The following LSS variants were observed in gnomAD, a reference collection of about 807,000 sequenced individuals.
LSS encodes lanosterol synthase.
In LSS, 90 loss-of-function variants were observed where a neutral mutation model predicts 110.3. That is an observed-to-expected ratio of 0.82 (90% CI 0.69 to 0.97). The LOEUF (loss-of-function observed/expected upper bound fraction) is 0.97, where lower values mean the gene tolerates loss of function less well. LSS is among the 50% of genes least tolerant of loss of function. The pLI, the probability that LSS is intolerant of heterozygous loss-of-function variation, is 0.00. For missense variants in LSS, 927 were observed against 990.0 expected, an observed-to-expected ratio of 0.94 and a Z score of 0.85; for synonymous variants, 433 against 400.0, an observed-to-expected ratio of 1.08 and a Z score of -0.98.
At chr21:46,221,215 A>ACAGCCC (rs4647801) in intron 5 of LSS, among the ~76,000 whole-genome samples, 2 of 151,868 alleles carry the variant, frequency 1.3e-5, no homozygotes, top group Admixed American at 6.6e-5. Context: ...GGAGAGGTAG[A>ACAGCCC]CGATCAGCTT....
At chr21:46,204,999 T>TA (rs1453944369) in intron 17 of LSS, among the ~76,000 whole-genome samples, 1 of 151,910 alleles carries the variant, frequency 6.6e-6, no homozygotes, top group Non-Finnish European at 1.5e-5. Flanking sequence ...TGAACAAAAG[T>TA]AAAAAAATGT....
rs877746 is a variant in LSS at position 46,189,817 on chromosome 21, T to C, written c.*1287A>G. ...GCAGCAGGGGTAACGAAGCTCTCAG[T>C]GACTCCTCCCAGTAGCCAGGGGAGA... On this transcript the variant is annotated 3_prime_UTR_variant, in exon 22 of 22. Transcript: ENST00000397728. 0.011 allele frequency: 4,645 copies of C among 435,850 alleles called. 52 individuals carry two copies. Among genetic ancestry groups the C allele is most frequent in the Non-Finnish European group, 0.011 (2,471 of 214,942 alleles). 27.0% of individuals were successfully genotyped at this position (435,850 alleles called of 1,614,324 possible).
At chr21:46,214,703 G>A (rs971655952) in intron 9 of LSS, among the ~76,000 whole-genome samples, 1 of 152,202 alleles carries the variant, frequency 6.6e-6, no homozygotes, top group Non-Finnish European at 1.5e-5. Flanking sequence ...CTGGACCCCT[G>A]CAGGCCCCAC....
At position 46,191,238 on chromosome 21, in the gene LSS, A is replaced by G; in HGVS notation, c.2068-3T>C. 2.5e-6 allele frequency: 4 copies of G among 1,614,018 alleles called. No homozygotes were observed. The highest frequency in any genetic ancestry group is 3.4e-6 in the Non-Finnish European group (4 of 1,179,962). On this transcript the variant is annotated splice_region_variant and splice_polypyrimidine_tract_variant and intron_variant, in intron 21 of 21. Transcript: ENST00000397728. ...TTGAAGACCCCAGCAATGTTTTCCT[A>G]AAAGAACACAGAGAAATAAACACAA...
chr21:46,189,435 A>G lies in LSS; in HGVS notation c.*1669T>C. On this transcript the variant is annotated 3_prime_UTR_variant, in exon 22 of 22. Coordinates refer to ENST00000397728, the MANE Select transcript of LSS (RefSeq NM_002340.6). ...TCAGCGAAAATAAAGCCCAGTTTTAAGATGTGCAGGGAAGTGTTGACACTG... is the reference window on the plus strand; with the variant it reads ...TCAGCGAAAATAAAGCCCAGTTTTAGGATGTGCAGGGAAGTGTTGACACTG... 2 of 326,238 alleles carry G rather than the reference A, an allele frequency of 6.1e-6. 1 individual carries two copies. The highest frequency in any genetic ancestry group is 4.7e-5 in the South Asian group (2 of 42,906). The allele number at this position is 326,238 out of a possible 1,614,324, so 20.2% of individuals were successfully genotyped here. A position where few individuals can be genotyped will look rare whatever the true frequency, so the allele number is the denominator to read the frequency against.
intron 3 of LSS, among the ~76,000 whole-genome samples, chr21:46,224,388 C>T (rs1013255152): frequency 3.3e-5 from 5 of 152,222 alleles, no homozygotes; most frequent in South Asian, 2.1e-4. Flanking sequence ...AGTGGTCCCC[C>T]GGGCCCAGCT....
chr21:46,204,319 T>C (rs904132286), intron 17 of LSS, among the ~76,000 whole-genome samples: 2 of 150,006 alleles, frequency 1.3e-5, no homozygotes, highest in African/African-American at 4.9e-5. Flanking sequence ...AGAAAGAAAA[T>C]AACAAACAAT....
chr21:46,220,463 G>C (rs899464425), intron 5 of LSS: 1 of 152,660 alleles, frequency 6.6e-6, no homozygotes, highest in African/African-American at 2.4e-5. Flanking sequence ...TGAGCCAGCG[G>C]GGCAGGAGTG....
intron 14 of LSS, 151 bp from the exon 15 acceptor site, chr21:46,207,728 A>G: frequency 3.4e-6 from 3 of 872,328 alleles, no homozygotes; most frequent in Non-Finnish European, 3.5e-6. Context: ...CCAGGGCCCC[A>G]AGCTGGGTAC....
At chr21:46,213,270 C>G (rs1344469106) in intron 10 of LSS, among the ~76,000 whole-genome samples, 1 of 152,192 alleles carries the variant, frequency 6.6e-6, no homozygotes, top group Non-Finnish European at 1.5e-5. Flanking sequence ...GGGCCACACC[C>G]AAGGCAAGGG....
chr21:46,203,979 G>C (rs1188563014), intron 17 of LSS, among the ~76,000 whole-genome samples: 2 of 152,174 alleles, frequency 1.3e-5, no homozygotes, highest in Non-Finnish European at 2.9e-5. Context: ...AAGTATTCAA[G>C]TTAGAAAAAT....
chr21:46,217,703 GCCC>G (rs944498555), intron 6 of LSS, among the ~76,000 whole-genome samples: 3 of 152,120 alleles, frequency 2.0e-5, no homozygotes, highest in East Asian at 3.9e-4. Flanking sequence ...CTGACCGACG[GCCC>G]CCCCAAGTGG....
intron 9 of LSS, 147 bp from the exon 10 acceptor site, chr21:46,213,982 A>C (rs2080168204): frequency 3.1e-6 from 2 of 653,148 alleles, no homozygotes; most frequent in Admixed American, 4.5e-5. Context: ...CTGCTCTAAC[A>C]GGCATTTCCT....
rs373496255 is a variant in LSS, at chr21:46,195,711, C to T, written c.1782G>A (p.Glu594=). 6.2e-6 allele frequency: 10 copies of T among 1,613,828 alleles called. No homozygotes were observed. The African/African-American group carries it at 8.0e-5, about 13-fold the overall frequency. The change falls in exon 19 of 22, where the codon GAG becomes GAA. Residue 594 remains glutamate, a synonymous_variant. Coordinates refer to ENST00000397728, the MANE Select transcript of LSS (RefSeq NM_002340.6). ...CFTYGTWFGL[E]AFACMGQTYR... ...AGGTCTGCCCCATACAGGCGAAGGC[C>T]TCCAGGCCAAACCAGGTGCCGTAGG... is the stretch of plus-strand genomic sequence containing the variant.
intron 16 of LSS, 27 bp from the exon 17 acceptor site, chr21:46,205,968 G>A (rs1232418065): frequency 6.5e-7 from 1 of 1,541,842 alleles, no homozygotes; most frequent in South Asian, 1.2e-5. Flanking sequence ...AGAACCAAGT[G>A]TTGGGTTTCA....
Position 46,219,295 on chromosome 21 carries a change from CT to C in LSS, c.647+180del, listed in dbSNP as rs2080244918. Among the ~76,000 whole-genome samples the C allele has an allele frequency of 2.0e-5, 3 of 152,314 alleles. No homozygotes were observed. In the South Asian group the frequency reaches 6.2e-4, roughly 32 times the overall value. On this transcript the variant is annotated intron_variant, in intron 6 of 21. Coordinates refer to ENST00000397728, the MANE Select transcript of LSS (RefSeq NM_002340.6). ...TTCCTGCTCAATTGGGAACCTCCCC[CT>C]TTCTGTACCCCTACAGGACTCAAGC... is the stretch of plus-strand genomic sequence containing the variant.
Position 46,227,494 on chromosome 21 carries a change from G to A in LSS, c.319+58C>T, listed in dbSNP as rs1486248106. 4 of 1,593,224 alleles carry A rather than the reference G, an allele frequency of 2.5e-6. No homozygotes were observed. The Admixed American group carries it at 7.0e-5, about 28-fold the overall frequency. ...CAAAACCCTAGACCAGGCTGGGCCAGGATCCCAAGGGTGATCCAGGGTGGC... is the reference window on the plus strand; with the variant it reads ...CAAAACCCTAGACCAGGCTGGGCCAAGATCCCAAGGGTGATCCAGGGTGGC... On this transcript the variant is annotated intron_variant, in intron 3 of 21. Transcript: ENST00000397728.
At chr21:46,222,532 T>A (rs978809515) in intron 4 of LSS, 98 bp downstream of exon 4, 46 of 1,078,130 alleles carry the variant, frequency 4.3e-5, no homozygotes, top group Non-Finnish European at 6.2e-5. Flanking sequence ...CTGCAATCAC[T>A]CCTAACCCCT....
chr21:46,219,701 G>T, intron 5 of LSS, 129 bp from the exon 6 acceptor site: 1 of 535,886 alleles, frequency 1.9e-6, no homozygotes, highest in Non-Finnish European at 3.2e-6. Flanking sequence ...GCAGCCTCAT[G>T]TGGATCTTGC....
Sources: allele counts gnomAD v4.1 joint callset (sites outside exome capture counted in the v4.1 genomes callset), GRCh38; gene constraint gnomAD v4.1.1; transcripts MANE v1.5; gene names NCBI Gene and HGNC (gene_info 2026-07-23, HGNC 2026-07-21).